The following GRAMD1B variants were observed in gnomAD, a reference collection of about 807,000 sequenced individuals.
GRAMD1B encodes the protein protein Aster-B.
GRAMD1B carries 37 observed loss-of-function variants against 99.7 expected under a neutral mutation model. The observed-to-expected ratio is 0.37, with a 90% confidence interval of 0.29 to 0.49. The LOEUF (loss-of-function observed/expected upper bound fraction) is 0.49, where lower values mean the gene tolerates loss of function less well. Ranked by LOEUF, GRAMD1B falls within the 20% of genes least tolerant of loss-of-function variation. GRAMD1B has a pLI of 0.98. For synonymous variants in GRAMD1B, 427 were observed against 387.6 expected, an observed-to-expected ratio of 1.10 and a Z score of -1.19; for missense variants, 888 against 1,009.2, an observed-to-expected ratio of 0.88 and a Z score of 1.63.
At chr11:123,388,334 T>C (rs1036413094) in intron 1 of GRAMD1B, among the ~76,000 whole-genome samples, 2 of 151,764 alleles carry the variant, frequency 1.3e-5, no homozygotes, top group African/African-American at 4.8e-5. Context: ...GGTGATTAGG[T>C]CATAAGAAGG....
intron 4 of GRAMD1B, among the ~76,000 whole-genome samples, chr11:123,585,456 C>G (rs1949973024): frequency 1.3e-5 from 2 of 152,226 alleles, no homozygotes; most frequent in Non-Finnish European, 2.9e-5. Context: ...ATTTGCAAGC[C>G]TTGGCTGCCA....
chr11:123,610,596 G>A lies in GRAMD1B; in HGVS notation c.1919+258G>A, dbSNP rs1331955127. Among the ~76,000 whole-genome samples the A allele has an allele frequency of 6.6e-6, 1 of 152,230 alleles. No homozygotes were observed. The highest frequency in any genetic ancestry group is 2.4e-5 in the African/African-American group (1 of 41,460). The stretch of plus-strand genomic sequence containing the variant: ...TTGTCTGTGGCTTATACAGTATAGT[G>A]TAGGCGCTTTACCTACATTCACTGG... On this transcript the variant is annotated intron_variant, in intron 14 of 19. Coordinates refer to ENST00000635736, the MANE Select transcript of GRAMD1B (RefSeq NM_001387025.1). The surrounding 1 kb of genome is among the most constrained non-coding windows in gnomAD (Gnocchi z 4.1).
intron 2 of GRAMD1B, among the ~76,000 whole-genome samples, chr11:123,513,170 T>C (rs536681175): frequency 6.6e-6 from 1 of 152,344 alleles, no homozygotes; most frequent in Admixed American, 6.5e-5. Context: ...ATTTCTGAGA[T>C]ACTATTCCCA....
chr11:123,369,034 C>T (rs1946428146), intron 1 of GRAMD1B, among the ~76,000 whole-genome samples: 1 of 152,104 alleles, frequency 6.6e-6, no homozygotes, highest in Non-Finnish European at 1.5e-5. Context: ...GTGACTCATA[C>T]CTGTAATCCC....
chr11:123,619,276 C>A (rs1954832030), intron 19 of GRAMD1B, 52 bp downstream of exon 19: 1 of 1,545,736 alleles, frequency 6.5e-7, no homozygotes, highest in Non-Finnish European at 8.7e-7. Flanking sequence ...GCGGGGACTC[C>A]TTCCCTTATG....
At chr11:123,570,332 G>C (rs1947920090) in intron 2 of GRAMD1B, among the ~76,000 whole-genome samples, 1 of 152,058 alleles carries the variant, frequency 6.6e-6, no homozygotes, top group South Asian at 2.1e-4. Context: ...AGTGAGACTT[G>C]GGAGCATCAA....
intron 1 of GRAMD1B, among the ~76,000 whole-genome samples, chr11:123,404,899 G>T (rs891130289): frequency 2.0e-5 from 3 of 152,200 alleles, no homozygotes; most frequent in African/African-American, 4.8e-5. Flanking sequence ...TCGTGGGAAT[G>T]TGCCCAGGTT....
At chr11:123,431,979 C>T (rs1948915546) in intron 1 of GRAMD1B, 3 of 398,352 alleles carry the variant, frequency 7.5e-6, no homozygotes, top group Non-Finnish European at 8.9e-6. Context: ...ACTTGTTCAT[C>T]GGTACCACGA....
chr11:123,407,351 TC>T lies in GRAMD1B; in HGVS notation c.-176+48553del, dbSNP rs1336498202. 2.0e-5 allele frequency among the ~76,000 whole-genome samples: 3 copies of T among 152,284 alleles called. No individual in the cohort carries two copies. The East Asian group carries it at 5.8e-4, about 29-fold the overall frequency. ...CACATTAAAAGCTTCCGTTTTGGCT[TC>T]TTGACATATCCGTCTGCTCTCAGGA... On this transcript the variant is annotated intron_variant, in intron 1 of 20. Transcript: ENST00000638157.
chr11:123,522,428 C>T (rs1255580840), intron 2 of GRAMD1B, among the ~76,000 whole-genome samples: 2 of 152,170 alleles, frequency 1.3e-5, no homozygotes, highest in African/African-American at 4.8e-5. Flanking sequence ...CAGTGATTCT[C>T]CTGCCTCAGT....
Position 123,477,163 on chromosome 11 carries a change from C to G in GRAMD1B, c.375-3653C>G, listed in dbSNP as rs1479756159. On this transcript the variant is annotated intron_variant, in intron 1 of 19. Transcript: ENST00000635736. ...TTTCTTTCTCTTTCTTTCTTTCCTC[C>G]TTCTTTCTTTCTTTTTCTCTTTCTT... is the stretch of plus-strand genomic sequence containing the variant. Among the ~76,000 whole-genome samples the G allele has an allele frequency of 2.0e-5, 3 of 151,100 alleles. No homozygotes were observed. In the East Asian group the frequency reaches 5.9e-4, roughly 30 times the overall value.
At chr11:123,586,703 C>T (rs1950114397) in intron 4 of GRAMD1B, among the ~76,000 whole-genome samples, 1 of 152,198 alleles carries the variant, frequency 6.6e-6, no homozygotes, top group South Asian at 2.1e-4. Flanking sequence ...CTTGCCCTGC[C>T]CCTGCTGCTT....
intron 1 of GRAMD1B, among the ~76,000 whole-genome samples, chr11:123,441,420 C>T (rs961990127): frequency 7.2e-5 from 11 of 151,998 alleles, no homozygotes; most frequent in Admixed American, 2.6e-4. Context: ...AGAGGATTGC[C>T]GCTTGAGCCG....
chr11:123,503,518 T>C (rs1470286929), intron 2 of GRAMD1B, among the ~76,000 whole-genome samples: 3 of 151,968 alleles, frequency 2.0e-5, no homozygotes, highest in African/African-American at 7.3e-5. Context: ...GTGCCTATTA[T>C]GTGTCAGTTA....
At chr11:123,574,004 C>T (rs573002253) in intron 2 of GRAMD1B, among the ~76,000 whole-genome samples, 4 of 150,908 alleles carry the variant, frequency 2.7e-5, no homozygotes, top group Non-Finnish European at 5.9e-5. Context: ...TTAGTCAGCT[C>T]CAAGGTGGAG....
At chr11:123,522,771 T>C (rs1184968583) in intron 2 of GRAMD1B, among the ~76,000 whole-genome samples, 1 of 152,174 alleles carries the variant, frequency 6.6e-6, no homozygotes, top group Non-Finnish European at 1.5e-5. Context: ...CCTTTTGGGT[T>C]CCTCACATCA....
intron 2 of GRAMD1B, among the ~76,000 whole-genome samples, chr11:123,499,563 T>C (rs1939645094): frequency 6.6e-6 from 1 of 152,230 alleles, no homozygotes; most frequent in Non-Finnish European, 1.5e-5. Flanking sequence ...ACTTTCCAGG[T>C]TACTCAGTGC....
intron 2 of GRAMD1B, among the ~76,000 whole-genome samples, chr11:123,485,688 G>A (rs1180318560): frequency 2.0e-5 from 3 of 150,218 alleles, no homozygotes; most frequent in African/African-American, 7.4e-5. Context: ...AAGTGTGTGT[G>A]TATGGAATAT....
intron 2 of GRAMD1B, among the ~76,000 whole-genome samples, chr11:123,534,480 A>G (rs1178466211): frequency 6.6e-6 from 1 of 152,204 alleles, no homozygotes; most frequent in Non-Finnish European, 1.5e-5. Flanking sequence ...ATGGAGAGGT[A>G]GTAATGGGCA....
Sources: gnomAD v4.1 joint callset for allele counts (sites outside exome capture counted in the v4.1 genomes callset) on GRCh38, gnomAD v4.1.1 for gene constraint, Gnocchi (gnomAD v3.1) non-coding constraint, MANE v1.5 for transcripts, NCBI Gene and HGNC (gene_info 2026-07-23, HGNC 2026-07-21) for gene names.